PCDHGB5: variants seen among roughly 807,000 people sequenced by gnomAD.
PCDHGB5 encodes the protein protocadherin gamma-B5.
Under a neutral mutation model 62.9 loss-of-function variants are expected in PCDHGB5, and 48 were observed. The ratio of observed to expected loss-of-function variants is 0.76; its 90% CI spans 0.61 to 0.97. The LOEUF (loss-of-function observed/expected upper bound fraction) is 0.97, where lower values mean the gene tolerates loss of function less well. Ranked by LOEUF, PCDHGB5 falls within the 50% of genes least tolerant of loss-of-function variation. The probability of loss-of-function intolerance (pLI) is 0.00; values close to 1 mark genes in which losing one functional copy is unlikely to be tolerated. For missense variants in PCDHGB5, 1,118 were observed against 1,198.6 expected, an observed-to-expected ratio of 0.93 and a Z score of 0.99; for synonymous variants, 474 against 511.2, an observed-to-expected ratio of 0.93 and a Z score of 0.98.
In PCDHGB5 at chr5:141,477,491, C is replaced by T; in HGVS notation, c.2398-17316C>T. 1 of 1,614,154 alleles carries T rather than the reference C, an allele frequency of 6.2e-7. No homozygotes were observed. The highest frequency in any genetic ancestry group is 8.5e-7 in the Non-Finnish European group (1 of 1,180,022). On this transcript the variant is annotated intron_variant, in intron 1 of 3. Coordinates refer to ENST00000617380, the MANE Select transcript of PCDHGB5 (RefSeq NM_018925.3). The surrounding 1 kb of genome is among the most constrained non-coding windows in gnomAD (Gnocchi z 4.9). ...CAATGACAACCCTCCACAATCTTCT[C>T]AATCTTCCTACGACGTTTACATTGA...
chr5:141,457,273 G>A (rs746102734), intron 1 of PCDHGB5, among the ~76,000 whole-genome samples: 7 of 152,144 alleles, frequency 4.6e-5, no homozygotes, highest in Admixed American at 1.3e-4. Context: ...CCCTCTGTGG[G>A]CCTACGAAGT....
chr5:141,502,039 G>T (rs2099812498), intron 2 of PCDHGB5, among the ~76,000 whole-genome samples: 1 of 152,126 alleles, frequency 6.6e-6, no homozygotes, highest in South Asian at 2.1e-4. Context: ...CCGCTTGCCT[G>T]CTCTCCCTAC....
At chr5:141,505,347 T>C in intron 2 of PCDHGB5, 46 bp from the exon 3 acceptor site, 4 of 1,613,346 alleles carry the variant, frequency 2.5e-6, no homozygotes, top group Non-Finnish European at 2.5e-6. Context: ...GGGCATGAGC[T>C]GTGCCGGCCT....
chr5:141,460,333 G>A (rs2098986532), intron 1 of PCDHGB5, among the ~76,000 whole-genome samples: 1 of 152,056 alleles, frequency 6.6e-6, no homozygotes, highest in African/African-American at 2.4e-5. Context: ...AACTTATGAT[G>A]ATTTTCTCCT....
intron 1 of PCDHGB5, among the ~76,000 whole-genome samples, chr5:141,467,397 TAGAA>T (rs1326936900): frequency 6.6e-6 from 1 of 152,106 alleles, no homozygotes; most frequent in Non-Finnish European, 1.5e-5. Flanking sequence ...AAGTCATAGT[TAGAA>T]AGCCTTTCCC....
Position 141,441,858 on chromosome 5 carries a change from C to T in PCDHGB5, c.2397+41334C>T, listed in dbSNP as rs535716058. The T allele has an allele frequency of 6.0e-5, 21 of 349,416 alleles. No homozygotes were observed. The East Asian group carries it at 7.4e-4, about 12-fold the overall frequency. The allele number at this position is 349,416 out of a possible 1,614,324, so 21.6% of individuals were successfully genotyped here. On this transcript the variant is annotated intron_variant, in intron 1 of 3. Coordinates refer to ENST00000617380, the MANE Select transcript of PCDHGB5 (RefSeq NM_018925.3). ...TCGCGCTCTTGGATATGGTGCTGCA[C>T]GCCGCGGAGCCTGGCTACCTGGTCA...
chr5:141,498,306 A>C (rs2099783027), intron 2 of PCDHGB5, among the ~76,000 whole-genome samples: 1 of 151,810 alleles, frequency 6.6e-6, no homozygotes, highest in African/African-American at 2.4e-5. Flanking sequence ...TCTGGGTCAC[A>C]CTGCCTACAC....
intron 1 of PCDHGB5, chr5:141,408,110 T>G: frequency 2.8e-6 from 4 of 1,445,204 alleles, no homozygotes; most frequent in Non-Finnish European, 2.7e-6. Context: ...GACCCGGGAC[T>G]CCTCCTGTCC....
chr5:141,426,718 C>G, intron 1 of PCDHGB5: 1 of 446,166 alleles, frequency 2.2e-6, no homozygotes, highest in Non-Finnish European at 4.6e-6. Flanking sequence ...AATGAACTAG[C>G]AATTCCAGGC....
intron 1 of PCDHGB5, chr5:141,421,287 C>T: frequency 1.2e-6 from 2 of 1,613,240 alleles, no homozygotes; most frequent in Non-Finnish European, 1.7e-6. Flanking sequence ...TGTGCATTTT[C>T]CTGGGGACGC....
chr5:141,433,367 C>CTATA, intron 1 of PCDHGB5: 2 of 549,818 alleles, frequency 3.6e-6, no homozygotes, highest in South Asian at 4.5e-5. Flanking sequence ...GCCTATCTAT[C>CTATA]TATCTATCTA....
At chr5:141,482,673 G>A (rs1278135239) in intron 1 of PCDHGB5, among the ~76,000 whole-genome samples, 1 of 152,156 alleles carries the variant, frequency 6.6e-6, no homozygotes, top group Non-Finnish European at 1.5e-5. Context: ...TAAAGGTTGA[G>A]TAGTAGCTTG....
intron 1 of PCDHGB5, among the ~76,000 whole-genome samples, chr5:141,460,709 A>G (rs2098995845): frequency 6.6e-6 from 1 of 151,794 alleles, no homozygotes; most frequent in Non-Finnish European, 1.5e-5. Flanking sequence ...ATGAGAATAA[A>G]CTATTGTTAT....
intron 2 of PCDHGB5, among the ~76,000 whole-genome samples, chr5:141,504,178 A>C (rs572543892): frequency 4.5e-4 from 69 of 152,366 alleles, no homozygotes; most frequent in Non-Finnish European, 7.6e-4. Context: ...AAATTCAAAA[A>C]AATCATGAAA....
chr5:141,422,869 T>A, intron 1 of PCDHGB5: 2 of 1,614,202 alleles, frequency 1.2e-6, no homozygotes, highest in Non-Finnish European at 1.7e-6. Context: ...CAGCAACGTG[T>A]CGCTGAGCCT....
rs953428261 is a variant in PCDHGB5, at chr5:141,430,262, T to C, written c.2397+29738T>C. On this transcript the variant is annotated intron_variant, in intron 1 of 3. Coordinates refer to ENST00000617380, the MANE Select transcript of PCDHGB5 (RefSeq NM_018925.3). ...AACTCCTAGGGAGACATCTCCATAA[T>C]AGGTGTGTTGGGGGAACAGTAATCT... Among the ~76,000 whole-genome samples the C allele has an allele frequency of 2.6e-5, 4 of 151,892 alleles. No homozygotes were observed. The East Asian group carries it at 5.8e-4, about 22-fold the overall frequency.
At chr5:141,415,312 A>G (rs1245475147) in intron 1 of PCDHGB5, 1 of 1,614,222 alleles carries the variant, frequency 6.2e-7, no homozygotes, top group Non-Finnish European at 8.5e-7. Context: ...GGCCTTCGTC[A>G]TCGTGCTGCT....
intron 1 of PCDHGB5, among the ~76,000 whole-genome samples, chr5:141,434,451 A>C (rs145324240): frequency 6.6e-6 from 1 of 152,210 alleles, no homozygotes; most frequent in Non-Finnish European, 1.5e-5. Context: ...GCTGGAAGGT[A>C]GTGGGTTTAC....
intron 1 of PCDHGB5, chr5:141,402,966 C>T (rs749578447): frequency 6.2e-7 from 1 of 1,606,060 alleles, no homozygotes; most frequent in Non-Finnish European, 8.5e-7. Flanking sequence ...GCAGCTCCAA[C>T]CAAATGCCAG....
Sources: gnomAD v4.1 joint callset for allele counts (sites outside exome capture counted in the v4.1 genomes callset) on GRCh38, gnomAD v4.1.1 for gene constraint, Gnocchi (gnomAD v3.1) non-coding constraint, MANE v1.5 for transcripts, NCBI Gene and HGNC (gene_info 2026-07-23, HGNC 2026-07-21) for gene names.